Variants in CDH10 observed in about 807,000 individuals in gnomAD.
The protein encoded by CDH10 is cadherin 10.
A neutral mutation model predicts 73.1 loss-of-function variants in CDH10; 30 were observed. The ratio of observed to expected loss-of-function variants is 0.41; its 90% confidence interval spans 0.31 to 0.56. The LOEUF (loss-of-function observed/expected upper bound fraction) is 0.56, where lower values mean the gene tolerates loss of function less well. Among genes scored for constraint, CDH10 ranks in the 20% least tolerant of loss-of-function variants. The pLI is 0.27. For missense variants in CDH10, 815 were observed against 973.7 expected (o/e 0.84, Z 2.17); for synonymous variants, 345 against 348.2 (o/e 0.99, Z 0.10).
intron 1 of CDH10, among the ~76,000 whole-genome samples, chr5:24,611,357 G>A (rs1746943425): frequency 6.6e-6 from 1 of 151,982 alleles, no homozygotes; most frequent in Non-Finnish European, 1.5e-5. Context: ...GGAGGTGAGA[G>A]GATCGCTTGA....
intron 1 of CDH10, among the ~76,000 whole-genome samples, chr5:24,605,986 T>C (rs889773602): frequency 6.6e-6 from 1 of 152,184 alleles, no homozygotes; most frequent in Non-Finnish European, 1.5e-5. Flanking sequence ...ATATACAATG[T>C]ATGATTTTAT....
At chr5:24,546,514 C>T (rs1744348326) in intron 2 of CDH10, among the ~76,000 whole-genome samples, 1 of 152,022 alleles carries the variant, frequency 6.6e-6, no homozygotes, top group South Asian at 2.1e-4. Context: ...ACTTCGTACT[C>T]ATCTATAAAG....
intron 1 of CDH10, among the ~76,000 whole-genome samples, chr5:24,620,622 T>C (rs1747281255): frequency 6.6e-6 from 1 of 152,220 alleles, no homozygotes; most frequent in Non-Finnish European, 1.5e-5. Flanking sequence ...TACATATACT[T>C]GTTAAAGTTG....
intron 2 of CDH10, among the ~76,000 whole-genome samples, chr5:24,579,971 C>T (rs569693504): frequency 6.6e-6 from 1 of 152,032 alleles, no homozygotes; most frequent in African/African-American, 2.4e-5. Context: ...CTGTTTTTTT[C>T]TCCCTAATGC....
intron 1 of CDH10, among the ~76,000 whole-genome samples, chr5:24,641,570 T>C (rs1436233059): frequency 1.3e-5 from 2 of 152,108 alleles, no homozygotes; most frequent in African/African-American, 4.8e-5. Flanking sequence ...CAAGAAAAGA[T>C]AAATAGATTT....
intron 2 of CDH10, among the ~76,000 whole-genome samples, chr5:24,564,256 A>G (rs189847130): frequency 2.6e-5 from 4 of 152,346 alleles, no homozygotes; most frequent in African/African-American, 9.6e-5. Context: ...TTGTTGAGAT[A>G]GCTCTTAATA....
chr5:24,625,561 ATT>A (rs1409279818), intron 1 of CDH10, among the ~76,000 whole-genome samples: 2 of 86,600 alleles, frequency 2.3e-5, no homozygotes, highest in Non-Finnish European at 6.5e-5. Context: ...ATATATATAT[ATT>A]CATATATATA....
intron 5 of CDH10, among the ~76,000 whole-genome samples, chr5:24,522,880 T>G (rs1743393638): frequency 6.6e-6 from 1 of 152,170 alleles, no homozygotes; most frequent in Admixed American, 6.6e-5. Flanking sequence ...ATAGCATTTT[T>G]GAAAATTACA....
intron 2 of CDH10, among the ~76,000 whole-genome samples, chr5:24,590,509 G>T (rs1438633513): frequency 6.6e-6 from 1 of 151,816 alleles, no homozygotes; most frequent in Non-Finnish European, 1.5e-5. Context: ...AGAAACAGTG[G>T]CAAAAACAAT....
chr5:24,617,249 G>A (rs1281209083), intron 1 of CDH10, among the ~76,000 whole-genome samples: 3 of 152,020 alleles, frequency 2.0e-5, no homozygotes, highest in Admixed American at 6.6e-5. Context: ...CTTTTGCCCC[G>A]ATCACGGCAG....
chr5:24,527,235 A>C (rs1287570589), intron 5 of CDH10, among the ~76,000 whole-genome samples: 1 of 148,296 alleles, frequency 6.7e-6, no homozygotes, highest in Non-Finnish European at 1.5e-5. Flanking sequence ...ATAGTCATAT[A>C]TACTTACATA....
intron 1 of CDH10, among the ~76,000 whole-genome samples, chr5:24,618,548 A>G (rs1276746879): frequency 2.6e-5 from 4 of 152,206 alleles, no homozygotes; most frequent in Non-Finnish European, 5.9e-5. Flanking sequence ...TGTATCAGCT[A>G]TTCCTTTTAA....
At chr5:24,510,122 T>C (rs1242829642) in intron 6 of CDH10, among the ~76,000 whole-genome samples, 1 of 152,176 alleles carries the variant, frequency 6.6e-6, no homozygotes, top group Non-Finnish European at 1.5e-5. Flanking sequence ...AATGGGCTAA[T>C]GGATGTTGCA....
chr5:24,637,345 A>G (rs908130426), intron 1 of CDH10, among the ~76,000 whole-genome samples: 6 of 151,974 alleles, frequency 3.9e-5, no homozygotes, highest in African/African-American at 1.4e-4. Flanking sequence ...TATCTAATGG[A>G]AGATGAAAAC....
Position 24,526,468 on chromosome 5 carries a change from T to C in CDH10, c.814+8644A>G, listed in dbSNP as rs149518885. ...GCACACATCAGATTCACATGCTGTATTTCACTAGCTACTAGATAGCACTAT... is the reference window on the plus strand; with the variant it reads ...GCACACATCAGATTCACATGCTGTACTTCACTAGCTACTAGATAGCACTAT... On this transcript the variant is annotated intron_variant, in intron 5 of 11. Coordinates refer to ENST00000264463, the MANE Select transcript of CDH10 (RefSeq NM_006727.5). 2.0e-5 allele frequency among the ~76,000 whole-genome samples: 3 copies of C among 151,990 alleles called. No individual in the cohort carries two copies. In the East Asian group the frequency reaches 5.8e-4, roughly 29 times the overall value.
intron 1 of CDH10, among the ~76,000 whole-genome samples, chr5:24,618,455 T>C (rs528306658): frequency 1.2e-4 from 19 of 152,352 alleles, no homozygotes; most frequent in Non-Finnish European, 2.6e-4. Context: ...GTGATTATTC[T>C]ACAGCCTTGC....
chr5:24,552,672 T>A (rs1010787613), intron 2 of CDH10, among the ~76,000 whole-genome samples: 1 of 152,112 alleles, frequency 6.6e-6, no homozygotes, highest in African/African-American at 2.4e-5. Flanking sequence ...TCTCCACCCC[T>A]CAATGATTAA....
rs1232290956 is a variant in CDH10, at chr5:24,639,363, A to C, written c.-124+5231T>G. Among the ~76,000 whole-genome samples, 5 of 151,724 alleles carry C rather than the reference A, an allele frequency of 3.3e-5. No individual in the cohort carries two copies. In the East Asian group the frequency reaches 9.6e-4, roughly 29 times the overall value. On this transcript the variant is annotated intron_variant, in intron 1 of 11. Coordinates refer to ENST00000264463, the MANE Select transcript of CDH10 (RefSeq NM_006727.5). ...AAAAGTTTGTATTAATATTATGTAC[A>C]AAATTTACTCCAAATTTTCCAATTA...
chr5:24,609,081 C>A (rs1293624758), intron 1 of CDH10, among the ~76,000 whole-genome samples: 1 of 152,146 alleles, frequency 6.6e-6, no homozygotes, highest in Non-Finnish European at 1.5e-5. Context: ...TTGAAAATCA[C>A]TAATTGTTGA....
Sources: allele counts gnomAD v4.1 joint callset (sites outside exome capture counted in the v4.1 genomes callset), GRCh38; gene constraint gnomAD v4.1.1; transcripts MANE v1.5; gene names NCBI Gene and HGNC (gene_info 2026-07-23, HGNC 2026-07-21).